The following DNAAF1 variants were observed in gnomAD, a reference collection of about 807,000 sequenced individuals.
DNAAF1 encodes dynein axonemal assembly factor 1.
In DNAAF1, 65 loss-of-function variants were observed where a neutral mutation model predicts 71.1. That is an observed-to-expected ratio of 0.91 (90% CI 0.75 to 1.12). DNAAF1 has a LOEUF of 1.12. DNAAF1 is among the 50% of genes most tolerant of loss of function. The probability of loss-of-function intolerance (pLI) is 0.00; values close to 1 mark genes in which losing one functional copy is unlikely to be tolerated. For missense variants in DNAAF1, 1,178 were observed against 899.8 expected (o/e 1.31, Z -3.96); for synonymous variants, 414 against 354.6 (o/e 1.17, Z -1.88).
At chr16:84,155,473 TC>T (rs1567542284) in intron 4 of DNAAF1, 109 bp from the exon 5 acceptor site, 5 of 1,247,304 alleles carry the variant, frequency 4.0e-6, no homozygotes, top group Non-Finnish European at 4.7e-6. Flanking sequence ...CGAAAGATTC[TC>T]CCGCTTTAGC....
rs758627641 is a variant in DNAAF1 at position 84,170,009 on chromosome 16, C to G, written c.1181C>G (p.Pro394Arg). Residue 394 changes from proline (P) to arginine (R), a missense_variant, in exon 8 of 12, where the codon CCA (proline) becomes CGA (arginine). Pro to Arg is a moderately radical substitution (Grantham distance 103). Coordinates refer to ENST00000378553, the MANE Select transcript of DNAAF1 (RefSeq NM_178452.6). The stretch of plus-strand genomic sequence containing the variant: ...AAGGACGAGCTCTGCCCGGAAAAGC[C>G]AAGTGGAGAGGAGCCGCCTGTGGAG... ...EAKDELCPEK[P>R]SGEEPPVEAK... The G allele has an allele frequency of 6.2e-7, 1 of 1,613,868 alleles. No individual in the cohort carries two copies. Among genetic ancestry groups the G allele is most frequent in the South Asian group, 1.1e-5 (1 of 91,076 alleles).
At chr16:84,151,657 G>A (rs1471906340) in intron 3 of DNAAF1, among the ~76,000 whole-genome samples, 1 of 152,198 alleles carries the variant, frequency 6.6e-6, no homozygotes, top group Non-Finnish European at 1.5e-5. Flanking sequence ...ATCTCACCCA[G>A]TTTCTGAGGG....
At chr16:84,159,553 A>T in intron 5 of DNAAF1, 122 bp from the exon 6 acceptor site, 5 of 1,340,862 alleles carry the variant, frequency 3.7e-6, no homozygotes, top group Non-Finnish European at 5.2e-6. Context: ...AGGACAGGAT[A>T]TTGGCACTTC....
At chr16:84,148,118 C>T (rs1357666984) in intron 1 of DNAAF1, among the ~76,000 whole-genome samples, 9 of 152,044 alleles carry the variant, frequency 5.9e-5, no homozygotes, top group African/African-American at 2.2e-4. Flanking sequence ...TCCTTTTCTC[C>T]CCTGTACCCC....
chr16:84,157,323 GACC>G (rs2087486893), intron 5 of DNAAF1, among the ~76,000 whole-genome samples: 1 of 151,870 alleles, frequency 6.6e-6, no homozygotes, highest in Non-Finnish European at 1.5e-5. Flanking sequence ...AGGAGTTTGA[GACC>G]AGCCTGGTCA....
rs749082639 is a variant in DNAAF1 at position 84,154,669 on chromosome 16, G to C, written c.445G>C (p.Ala149Pro). 3 of 1,614,124 alleles carry C rather than the reference G, an allele frequency of 1.9e-6. No homozygotes were observed. In the East Asian group the frequency reaches 6.7e-5, roughly 36 times the overall value. Residue 149 changes from alanine to proline, a missense_variant, in exon 4 of 12, where the codon GCC (alanine) becomes CCC (proline). Coordinates refer to ENST00000378553, the MANE Select transcript of DNAAF1 (RefSeq NM_178452.6). ...NGIQKIENLEAQTELRCLFLQ... is the reference protein window; with the variant it reads ...NGIQKIENLEPQTELRCLFLQ... Reference sequence around the variant, plus strand: ...AATACAGAAAATCGAAAACCTGGAGGCCCAAACTGAGTTGCGTTGCCTCTT... The same window carrying C: ...AATACAGAAAATCGAAAACCTGGAGCCCCAAACTGAGTTGCGTTGCCTCTT...
Position 84,145,405 on chromosome 16 carries a change from C to T in DNAAF1, c.-36C>T, listed in dbSNP as rs375290541. 130 of 1,569,428 alleles carry T rather than the reference C, an allele frequency of 8.3e-5. 1 individual carries two copies. The African/African-American group carries it at 1.6e-3, about 19-fold the overall frequency. Reference sequence around the variant, plus strand: ...ACGTCCGCCGCGAACCTGGGCCCCCCAAAGCTGCGGGGCGTTCGGTGTCGC... The same window carrying T: ...ACGTCCGCCGCGAACCTGGGCCCCCTAAAGCTGCGGGGCGTTCGGTGTCGC... On this transcript the variant is annotated 5_prime_UTR_variant, in exon 1 of 12. Transcript: ENST00000378553.
At chr16:84,159,243 T>C in intron 5 of DNAAF1, 6 of 1,071,402 alleles carry the variant, frequency 5.6e-6, no homozygotes, top group Non-Finnish European at 6.8e-6. Context: ...TTTCCCTTAG[T>C]CACTGCTGCT....
intron 1 of DNAAF1, among the ~76,000 whole-genome samples, chr16:84,148,081 A>T (rs2086999971): frequency 6.6e-6 from 1 of 152,110 alleles, no homozygotes; most frequent in Non-Finnish European, 1.5e-5. Context: ...AAAAAAAGAA[A>T]TAAAACATTT....
intron 9 of DNAAF1, 93 bp downstream of exon 9, chr16:84,172,468 CAA>C (rs1311942200): frequency 4.5e-6 from 7 of 1,548,536 alleles, no homozygotes; most frequent in African/African-American, 2.7e-5. Flanking sequence ...CTCGATACCC[CAA>C]GTGTGGTCCT....
At chr16:84,152,076 C>T (rs959775867) in intron 3 of DNAAF1, among the ~76,000 whole-genome samples, 1 of 152,198 alleles carries the variant, frequency 6.6e-6, no homozygotes, top group Non-Finnish European at 1.5e-5. Flanking sequence ...GGGCCAGATG[C>T]CTTGGAATGG....
intron 7 of DNAAF1, among the ~76,000 whole-genome samples, chr16:84,168,827 T>TTCACACACACAC (rs1555524813): frequency 6.9e-6 from 1 of 145,888 alleles, no homozygotes; most frequent in Non-Finnish European, 1.5e-5. Context: ...ATTTGCCACA[T>TTCACACACACAC]ACACACACAC....
intron 9 of DNAAF1, 49 bp from the exon 10 acceptor site, chr16:84,174,620 G>A (rs775341712): frequency 6.8e-6 from 11 of 1,613,948 alleles, no homozygotes; most frequent in South Asian, 6.6e-5. Context: ...TCAGAACGTT[G>A]ACAGTGCGTG....
chr16:84,177,307 G>C (rs183364049), intron 11 of DNAAF1: 3 of 325,152 alleles, frequency 9.2e-6, no homozygotes, highest in East Asian at 7.8e-5. Context: ...AGACAGTCTC[G>C]CACTGTGGCC....
chr16:84,153,475 G>T (rs974190325), intron 3 of DNAAF1, among the ~76,000 whole-genome samples: 4 of 152,206 alleles, frequency 2.6e-5, no homozygotes, highest in African/African-American at 7.2e-5. Flanking sequence ...TACAATGCCT[G>T]TGTTTAAGTG....
chr16:84,150,541 A>G (rs369645527), intron 3 of DNAAF1, among the ~76,000 whole-genome samples, 199 bp downstream of exon 3: 21 of 152,268 alleles, frequency 1.4e-4, no homozygotes, highest in African/African-American at 4.8e-4. Context: ...CAAAGGAGCC[A>G]CTGGCTATAG....
intron 3 of DNAAF1, among the ~76,000 whole-genome samples, chr16:84,151,313 T>G (rs965692323): frequency 6.6e-6 from 1 of 152,120 alleles, no homozygotes; most frequent in Non-Finnish European, 1.5e-5. Flanking sequence ...GCAGCTATTA[T>G]GAGGACGGTG....
rs1249321008 is a variant in DNAAF1 at position 84,154,646 on chromosome 16, T to C, written c.422T>C (p.Ile141Thr). Residue 141 changes from isoleucine (I) to threonine (T), a missense_variant, in exon 4 of 12, where the codon ATA becomes ACA. Coordinates refer to ENST00000378553, the MANE Select transcript of DNAAF1 (RefSeq NM_178452.6). The stretch of plus-strand genomic sequence containing the variant: ...TGTCTCTGGCTGCAGAGCAATGGAA[T>C]ACAGAAAATCGAAAACCTGGAGGCC... Reference protein sequence around the residue: ...LRCLWLQSNGIQKIENLEAQT... With the variant: ...LRCLWLQSNGTQKIENLEAQT... 1 of 1,614,192 alleles carries C rather than the reference T, an allele frequency of 6.2e-7. No homozygotes were observed. Among genetic ancestry groups the C allele is most frequent in the Admixed American group, 1.7e-5 (1 of 60,018 alleles).
chr16:84,175,791 C>T, intron 10 of DNAAF1, 142 bp from the exon 11 acceptor site: 1 of 1,080,324 alleles, frequency 9.3e-7, no homozygotes, highest in Non-Finnish European at 1.4e-6. Context: ...TTTCAGAGTC[C>T]TGTGTTCCCT....
Sources: gnomAD v4.1 joint callset for allele counts (sites outside exome capture counted in the v4.1 genomes callset) on GRCh38, gnomAD v4.1.1 for gene constraint, MANE v1.5 for transcripts, NCBI Gene and HGNC (gene_info 2026-07-23, HGNC 2026-07-21) for gene names.